ACSL5: variants seen among roughly 807,000 people sequenced by gnomAD.
The protein encoded by ACSL5 is long-chain-fatty-acid--CoA ligase 5.
ACSL5 carries 50 observed loss-of-function variants against 84.9 expected under a neutral mutation model. That is an observed-to-expected ratio of 0.59 (90% CI 0.47 to 0.75). The LOEUF is 0.75. ACSL5 is among the 30% of genes least tolerant of loss of function. ACSL5 has a pLI of 0.00. For missense variants in ACSL5, 775 were observed against 830.4 expected (o/e 0.93, Z 0.82); for synonymous variants, 280 against 300.7 (o/e 0.93, Z 0.71).
At chr10:112,394,689 C>T (rs1260909413) in intron 1 of ACSL5, 2 of 957,862 alleles carry the variant, frequency 2.1e-6, no homozygotes, top group East Asian at 2.3e-4. Context: ...TGTGTGAGGA[C>T]AGTCAAGTAG....
At chr10:112,411,354 G>T in intron 9 of ACSL5, 102 bp from the exon 10 acceptor site, 2 of 942,276 alleles carry the variant, frequency 2.1e-6, no homozygotes, top group Non-Finnish European at 3.4e-6. Flanking sequence ...AAATGCTCTT[G>T]GCCTTCTGGA....
chr10:112,423,018 C>T (rs1267015720), intron 17 of ACSL5, among the ~76,000 whole-genome samples: 1 of 145,930 alleles, frequency 6.9e-6, no homozygotes, highest in Non-Finnish European at 1.5e-5. Flanking sequence ...GAAACCCCGT[C>T]TCTACTAAAA....
rs765330033 is a variant in ACSL5, at chr10:112,427,323, C to G, written c.2017C>G (p.Gln673Glu). ...AGAGCTTTCCAAATACTTTCGGACC[C>G]AAATTGACAGCCTGTATGAGCACAT... ...RGELSKYFRT[Q>E]IDSLYEHIQD Residue 673 changes from glutamine to glutamate, a missense_variant, in exon 21 of 21, where the codon CAA becomes GAA. Gln to Glu is a conservative substitution (Grantham distance 29). Coordinates refer to ENST00000354655, the MANE Select transcript of ACSL5 (RefSeq NM_203379.2). 5.0e-6 allele frequency: 8 copies of G among 1,613,438 alleles called. No individual in the cohort carries two copies. Among genetic ancestry groups the G allele is most frequent in the Non-Finnish European group, 8.5e-7 (1 of 1,179,800 alleles).
chr10:112,421,051 T>C (rs1027365317), intron 14 of ACSL5, among the ~76,000 whole-genome samples: 4 of 152,114 alleles, frequency 2.6e-5, no homozygotes, highest in South Asian at 2.1e-4. Flanking sequence ...TAAAGTTCTA[T>C]GCTTTGGTCT....
intron 1 of ACSL5, among the ~76,000 whole-genome samples, chr10:112,385,229 A>G (rs1849426595): frequency 6.6e-6 from 1 of 152,238 alleles, no homozygotes; most frequent in Admixed American, 6.5e-5. Context: ...GCCATTTTAT[A>G]GATGAGAAAC....
chr10:112,395,494 C>A (rs1472783791), intron 2 of ACSL5, among the ~76,000 whole-genome samples: 1 of 152,144 alleles, frequency 6.6e-6, no homozygotes, highest in Non-Finnish European at 1.5e-5. Context: ...AGTTTGACAA[C>A]CCATGATCTA....
chr10:112,401,546 TTGACTA>T (rs375710705), intron 3 of ACSL5, among the ~76,000 whole-genome samples: 174 of 152,324 alleles, frequency 1.1e-3, no homozygotes, highest in African/African-American at 4.1e-3. Context: ...CAGGTCTGAG[TTGACTA>T]AGTTAATGAA....
intron 12 of ACSL5, among the ~76,000 whole-genome samples, chr10:112,415,845 A>AT (rs1186605572): frequency 3.3e-5 from 5 of 152,202 alleles, no homozygotes; most frequent in Non-Finnish European, 7.3e-5. Flanking sequence ...TGAAAGCCAG[A>AT]TAAGAGTTCA....
chr10:112,405,712 A>AC (rs1237379794), intron 5 of ACSL5, among the ~76,000 whole-genome samples: 4 of 152,086 alleles, frequency 2.6e-5, no homozygotes, highest in East Asian at 3.9e-4. Flanking sequence ...TCCACAGATA[A>AC]CCCCCCCAAA....
intron 1 of ACSL5, among the ~76,000 whole-genome samples, chr10:112,382,220 C>T (rs1337501764): frequency 1.3e-5 from 2 of 152,232 alleles, no homozygotes; most frequent in Non-Finnish European, 2.9e-5. Context: ...GGCATGAAGC[C>T]CCTGGCTGTG....
chr10:112,427,484 T>C lies in ACSL5; in HGVS notation c.*126T>C. ...TTTAACCTGTTAAACTCTAAAGCCA[T>C]AGCTTTTGTTTTATATTGAGACATA... On this transcript the variant is annotated 3_prime_UTR_variant, in exon 21 of 21. Coordinates refer to ENST00000354655, the MANE Select transcript of ACSL5 (RefSeq NM_203379.2). 2.3e-6 allele frequency: 2 copies of C among 874,798 alleles called. No homozygotes were observed. The highest frequency in any genetic ancestry group is 3.3e-6 in the Non-Finnish European group (2 of 604,378). 54.2% of individuals were successfully genotyped at this position (874,798 alleles called of 1,614,324 possible). A position where few individuals can be genotyped will look rare whatever the true frequency, so the allele number is the denominator to read the frequency against.
chr10:112,388,202 C>T (rs1483819443), intron 1 of ACSL5, among the ~76,000 whole-genome samples: 5 of 152,040 alleles, frequency 3.3e-5, no homozygotes, highest in African/African-American at 9.7e-5. Flanking sequence ...GGCCTCCCAA[C>T]GTGCTGGGAT....
intron 1 of ACSL5, among the ~76,000 whole-genome samples, chr10:112,384,356 C>CT (rs1849409077): frequency 6.6e-6 from 1 of 152,140 alleles, no homozygotes. Flanking sequence ...GTTTTCCCTG[C>CT]TATATCCCCA....
At chr10:112,375,296 C>T (rs1336644328) in intron 1 of ACSL5, 4 of 152,254 alleles carry the variant, frequency 2.6e-5, no homozygotes, top group South Asian at 4.1e-4. Context: ...GGCCCCACTT[C>T]GTCTCCCAGC....
At chr10:112,425,595 TA>T (rs71489969) in intron 18 of ACSL5, 114 bp downstream of exon 18, 166,024 of 532,376 alleles carry the variant, frequency 0.31, 5,655 homozygotes, top group African/African-American at 0.34. Context: ...CTTATAAAAC[TA>T]AAAAAAAAAA....
At chr10:112,380,579 C>A (rs1008628580) in intron 1 of ACSL5, among the ~76,000 whole-genome samples, 3 of 152,036 alleles carry the variant, frequency 2.0e-5, no homozygotes, top group African/African-American at 7.2e-5. Context: ...GCACATCTGG[C>A]CATTCCCCTT....
At chr10:112,424,948 C>T (rs1844612386) in intron 17 of ACSL5, 1 of 155,386 alleles carries the variant, frequency 6.4e-6, no homozygotes, top group Non-Finnish European at 1.4e-5. Flanking sequence ...GAGAACTATT[C>T]AAATCAAATC....
At position 112,413,404 on chromosome 10, in the gene ACSL5, C is replaced by G. The variant is rs921991007; in HGVS notation, c.1083+97C>G. 6 of 1,389,906 alleles carry G rather than the reference C, an allele frequency of 4.3e-6. No individual in the cohort carries two copies. The African/African-American group carries it at 5.7e-5, about 13-fold the overall frequency. The allele number at this position is 1,389,906 out of a possible 1,614,324, so 86.1% of individuals were successfully genotyped here. On this transcript the variant is annotated intron_variant, in intron 12 of 20. Transcript: ENST00000354655. ...TTTACTCCACCTCTACCTCCACCCT[C>G]TACAAGTATCTACGTAAAGCCGTGT...
intron 18 of ACSL5, 118 bp from the exon 19 acceptor site, chr10:112,426,140 A>G: frequency 1.3e-6 from 1 of 765,838 alleles, no homozygotes; most frequent in Non-Finnish European, 2.2e-6. Flanking sequence ...CTAGTACTGG[A>G]TTTAAGGTTT....
Sources: gnomAD v4.1 joint callset for allele counts (sites outside exome capture counted in the v4.1 genomes callset) on GRCh38, gnomAD v4.1.1 for gene constraint, MANE v1.5 for transcripts, NCBI Gene and HGNC (gene_info 2026-07-23, HGNC 2026-07-21) for gene names.